The following ULK4 variants were observed in gnomAD, a reference collection of about 807,000 sequenced individuals.
ULK4 encodes unc-51 like kinase 4, also known as inactive serine/threonine-protein kinase ULK4.
ULK4 carries 133 observed loss-of-function variants against 160.6 expected under a neutral mutation model. The ratio of observed to expected loss-of-function variants is 0.83; its 90% CI spans 0.72 to 0.96. The LOEUF is 0.96. Among genes scored for constraint, ULK4 ranks in the 40% least tolerant of loss-of-function variants. ULK4 has a pLI of 0.00. For synonymous variants in ULK4, 534 were observed against 539.8 expected, an observed-to-expected ratio of 0.99 and a Z score of 0.15; for missense variants, 1,580 against 1,499.5, an observed-to-expected ratio of 1.05 and a Z score of -0.89.
chr3:41,611,192 A>G (rs1013627112), intron 31 of ULK4, among the ~76,000 whole-genome samples: 1 of 152,202 alleles, frequency 6.6e-6, no homozygotes, highest in Admixed American at 6.5e-5. Context: ...TGTACGTACT[A>G]TAATACAAAT....
intron 5 of ULK4, among the ~76,000 whole-genome samples, chr3:41,922,472 GA>G (rs1371152563): frequency 6.6e-6 from 1 of 152,130 alleles, no homozygotes; most frequent in Non-Finnish European, 1.5e-5. Flanking sequence ...AAAGGGAAGG[GA>G]GGGGAGAGTA....
intron 27 of ULK4, among the ~76,000 whole-genome samples, chr3:41,694,907 T>C (rs982382739): frequency 6.6e-6 from 1 of 152,228 alleles, no homozygotes; most frequent in African/African-American, 2.4e-5. Context: ...GGTATGTATG[T>C]GTGTTCATAC....
intron 11 of ULK4, among the ~76,000 whole-genome samples, chr3:41,910,202 A>G (rs546387876): frequency 1.1e-4 from 17 of 152,156 alleles, no homozygotes; most frequent in Non-Finnish European, 2.2e-4. Context: ...GGTCCATACT[A>G]CAAAATTTTT....
At chr3:41,784,764 GTTCC>G (rs2039953164) in intron 21 of ULK4, among the ~76,000 whole-genome samples, 1 of 152,176 alleles carries the variant, frequency 6.6e-6, no homozygotes, top group African/African-American at 2.4e-5. Context: ...AACTGAACAA[GTTCC>G]TTCAATACAT....
intron 18 of ULK4, among the ~76,000 whole-genome samples, chr3:41,827,224 A>G (rs1035919483): frequency 6.8e-6 from 1 of 146,628 alleles, no homozygotes; most frequent in Non-Finnish European, 1.5e-5. Context: ...TCTAAAATTG[A>G]CACCTTAACA....
chr3:41,832,506 G>C (rs1010894601), intron 18 of ULK4, among the ~76,000 whole-genome samples: 3 of 152,174 alleles, frequency 2.0e-5, no homozygotes, highest in African/African-American at 7.2e-5. Context: ...TTACTCTGAT[G>C]CTAGTTTATT....
At chr3:41,605,153 A>T (rs2032313441) in intron 31 of ULK4, among the ~76,000 whole-genome samples, 1 of 152,026 alleles carries the variant, frequency 6.6e-6, no homozygotes, top group African/African-American at 2.4e-5. Flanking sequence ...AACTATACCA[A>T]CCATTAAAAA....
At chr3:41,760,118 A>G (rs2038937462) in intron 21 of ULK4, among the ~76,000 whole-genome samples, 1 of 152,184 alleles carries the variant, frequency 6.6e-6, no homozygotes, top group African/African-American at 2.4e-5. Context: ...ATTTTAATGA[A>G]CAAAATATTT....
intron 35 of ULK4, among the ~76,000 whole-genome samples, chr3:41,311,929 A>G (rs1316828295): frequency 9.5e-5 from 14 of 148,064 alleles, no homozygotes; most frequent in African/African-American, 3.4e-4. Flanking sequence ...TAACCCTAAT[A>G]TAAACAGAGG....
At chr3:41,604,980 A>C (rs1303651333) in intron 31 of ULK4, among the ~76,000 whole-genome samples, 1 of 152,118 alleles carries the variant, frequency 6.6e-6, no homozygotes, top group Non-Finnish European at 1.5e-5. Context: ...GATTTAATAA[A>C]TCATGTGATG....
At chr3:41,855,501 T>TC (rs1433825596) in intron 17 of ULK4, among the ~76,000 whole-genome samples, 2 of 152,232 alleles carry the variant, frequency 1.3e-5, no homozygotes, top group African/African-American at 4.8e-5. Context: ...ATGAATGTTT[T>TC]CTTAAGAAGC....
chr3:41,653,784 A>C (rs9864622), intron 30 of ULK4, among the ~76,000 whole-genome samples: 128 of 152,348 alleles, frequency 8.4e-4, no homozygotes, highest in African/African-American at 3.0e-3. Flanking sequence ...AACAGGCTGC[A>C]AGCCAGTTAG....
intron 34 of ULK4, among the ~76,000 whole-genome samples, chr3:41,401,675 A>G (rs2082182208): frequency 6.6e-6 from 1 of 152,136 alleles, no homozygotes; most frequent in Non-Finnish European, 1.5e-5. Flanking sequence ...GTGCATGGTA[A>G]CTGTTCAAAT....
intron 31 of ULK4, among the ~76,000 whole-genome samples, chr3:41,584,580 C>T (rs2030648928): frequency 6.6e-6 from 1 of 152,090 alleles, no homozygotes; most frequent in East Asian, 1.9e-4. Context: ...AGCTACCATG[C>T]CTGGCCAAGA....
chr3:41,784,605 A>G (rs2039949893), intron 21 of ULK4, among the ~76,000 whole-genome samples: 1 of 152,278 alleles, frequency 6.6e-6, no homozygotes, highest in South Asian at 2.1e-4. Flanking sequence ...TCTATTAAGG[A>G]CATCTATGGG....
At chr3:41,825,954 G>A (rs3005543) in intron 18 of ULK4, among the ~76,000 whole-genome samples, 38,784 of 152,062 alleles carry the variant, frequency 0.26, 6,126 homozygotes, top group African/African-American at 0.45. Flanking sequence ...GACTAACAGC[G>A]GATCTCTTCG....
At chr3:41,620,034 G>GA (rs2033164502) in intron 30 of ULK4, among the ~76,000 whole-genome samples, 1 of 151,798 alleles carries the variant, frequency 6.6e-6, no homozygotes. Flanking sequence ...AAATTCCTGC[G>GA]CACATACACC....
At chr3:41,715,979 C>T (rs1208895211) in intron 23 of ULK4, among the ~76,000 whole-genome samples, 8 of 151,418 alleles carry the variant, frequency 5.3e-5, no homozygotes, top group Admixed American at 5.3e-4. Flanking sequence ...TTTGGGAGGC[C>T]GAGGTGGGCA....
intron 9 of ULK4, among the ~76,000 whole-genome samples, chr3:41,911,925 G>A (rs958519735): frequency 1.3e-5 from 2 of 152,102 alleles, no homozygotes; most frequent in African/African-American, 4.8e-5. Flanking sequence ...GGCCGAGGCA[G>A]ACGGATCACT....
Sources: allele counts gnomAD v4.1 joint callset (sites outside exome capture counted in the v4.1 genomes callset), GRCh38; gene constraint gnomAD v4.1.1; transcripts MANE v1.5; gene names NCBI Gene and HGNC (gene_info 2026-07-23, HGNC 2026-07-21).